The following GRIP1 variants were observed in gnomAD, a reference collection of about 807,000 sequenced individuals.
GRIP1 encodes the protein glutamate receptor interacting protein 1.
A neutral mutation model predicts 129.9 loss-of-function variants in GRIP1; 45 were observed. That is an observed-to-expected ratio of 0.35 (90% CI 0.27 to 0.44). GRIP1 has a LOEUF of 0.44. GRIP1 is among the 20% of genes least tolerant of loss of function. GRIP1 has a pLI of 1.00. For synonymous variants in GRIP1, 530 were observed against 520.8 expected (o/e 1.02, Z -0.24); for missense variants, 1,196 against 1,396.8 (o/e 0.86, Z 2.29).
intron 1 of GRIP1, among the ~76,000 whole-genome samples, chr12:66,903,688 G>C (rs1419180315): frequency 1.3e-5 from 2 of 152,120 alleles, no homozygotes; most frequent in African/African-American, 4.8e-5. Context: ...TTTGTTGAAT[G>C]TAAAACAACA....
At chr12:66,455,259 G>A (rs2058923125) in intron 11 of GRIP1, 150 bp downstream of exon 11, 7 of 762,038 alleles carry the variant, frequency 9.2e-6, no homozygotes, top group South Asian at 3.0e-5. Context: ...TCGTGTCAAC[G>A]GTCTTTGGCA....
At chr12:66,513,539 A>G (rs528660569) in intron 7 of GRIP1, among the ~76,000 whole-genome samples, 1 of 152,228 alleles carries the variant, frequency 6.6e-6, no homozygotes, top group East Asian at 1.9e-4. Context: ...TAATGGGTTC[A>G]TGTAACTTCT....
chr12:66,903,527 A>C (rs951384478), intron 1 of GRIP1, among the ~76,000 whole-genome samples: 1 of 152,176 alleles, frequency 6.6e-6, no homozygotes, highest in Non-Finnish European at 1.5e-5. Flanking sequence ...CTCCAAAAAA[A>C]ATATTGTGAG....
intron 1 of GRIP1, among the ~76,000 whole-genome samples, chr12:66,737,584 T>A (rs1369454703): frequency 6.6e-6 from 1 of 152,150 alleles, no homozygotes; most frequent in Non-Finnish European, 1.5e-5. Context: ...CAGAAAGTCA[T>A]CTCATTACTC....
chr12:66,848,054 T>C (rs779418398), intron 1 of GRIP1, among the ~76,000 whole-genome samples: 7 of 152,216 alleles, frequency 4.6e-5, no homozygotes, highest in African/African-American at 7.2e-5. Flanking sequence ...CATTATGCTT[T>C]ATATCATATC....
At chr12:66,384,979 C>T (rs1278305525) in intron 19 of GRIP1, among the ~76,000 whole-genome samples, 1 of 152,124 alleles carries the variant, frequency 6.6e-6, no homozygotes, top group Non-Finnish European at 1.5e-5. Context: ...AAACCTGTTG[C>T]CATTACTGAT....
intron 2 of GRIP1, among the ~76,000 whole-genome samples, chr12:66,551,179 A>G (rs1443803549): frequency 2.1e-4 from 32 of 152,240 alleles, no homozygotes; most frequent in Non-Finnish European, 4.4e-5. Flanking sequence ...TTAAGCATTT[A>G]TAATTGCCAG....
chr12:66,772,682 A>T (rs1019023037), intron 1 of GRIP1, among the ~76,000 whole-genome samples: 3 of 152,312 alleles, frequency 2.0e-5, no homozygotes, highest in African/African-American at 7.2e-5. Context: ...TACCCCCAAC[A>T]TCTAGGCTTG....
At position 66,353,333 on chromosome 12, in the gene GRIP1, G is replaced by C. The variant is rs1468895069; in HGVS notation, c.3159+84C>G. On this transcript the variant is annotated intron_variant, in intron 24 of 24. Transcript: ENST00000359742. ...AAGGCTGAAAGGGAAAAGAGCAAAG[G>C]GCCCCAAATATGCAGGAGGATGTGG... The C allele has an allele frequency of 1.1e-5, 10 of 937,796 alleles. No homozygotes were observed. The Admixed American group carries it at 1.5e-4, about 14-fold the overall frequency. 58.1% of individuals were successfully genotyped at this position (937,796 alleles called of 1,614,324 possible).
At chr12:66,779,398 AT>A (rs1401884981) in intron 1 of GRIP1, among the ~76,000 whole-genome samples, 1 of 152,164 alleles carries the variant, frequency 6.6e-6, no homozygotes, top group East Asian at 1.9e-4. Flanking sequence ...AGTCACTTAA[AT>A]TTTTCAGTTA....
intron 13 of GRIP1, among the ~76,000 whole-genome samples, chr12:66,439,792 C>G (rs2058419707): frequency 1.3e-5 from 2 of 152,160 alleles, no homozygotes; most frequent in Admixed American, 1.3e-4. Flanking sequence ...CATTTTGAAC[C>G]TCCCTGACTA....
rs186018891 is a variant in GRIP1 at position 66,982,813 on chromosome 12, A to T, written c.58+86237T>A. ...TGTTACTGGATTTCTGACCTGCAGGAACTTTTAAATAATAAATATTGGTGG... is the reference window on the plus strand; with the variant it reads ...TGTTACTGGATTTCTGACCTGCAGGTACTTTTAAATAATAAATATTGGTGG... On this transcript the variant is annotated intron_variant, in intron 1 of 1. Coordinates refer to the GRIP1 transcript ENST00000643019. 3.9e-5 allele frequency among the ~76,000 whole-genome samples: 6 copies of T among 152,288 alleles called. No individual in the cohort carries two copies. In the East Asian group the frequency reaches 1.2e-3, roughly 29 times the overall value.
At chr12:66,939,452 G>A (rs1296629244) in intron 1 of GRIP1, among the ~76,000 whole-genome samples, 1 of 152,170 alleles carries the variant, frequency 6.6e-6, no homozygotes, top group Non-Finnish European at 1.5e-5. Context: ...TGTTCTCAAA[G>A]TAGCAGGAGA....
chr12:66,776,402 A>T (rs980568197), intron 1 of GRIP1, among the ~76,000 whole-genome samples: 1 of 152,258 alleles, frequency 6.6e-6, no homozygotes, highest in Non-Finnish European at 1.5e-5. Context: ...AGAGTAGGTA[A>T]TACAATAAAT....
rs1161541126 is a variant in GRIP1, at chr12:66,979,878, G to A, written c.58+89172C>T. On this transcript the variant is annotated intron_variant, in intron 1 of 1. Transcript: ENST00000643019. The stretch of plus-strand genomic sequence containing the variant: ...TTAGAAGCTAGGAAGAGGCAAGGGA[G>A]GACTCTGCTAAGAGTCTCAGAGGGA... Among the ~76,000 whole-genome samples the A allele has an allele frequency of 4.6e-5, 7 of 152,276 alleles. No individual in the cohort carries two copies. The East Asian group carries it at 1.2e-3, about 25-fold the overall frequency.
chr12:66,675,364 T>C (rs1304063289), intron 1 of GRIP1, among the ~76,000 whole-genome samples: 1 of 152,066 alleles, frequency 6.6e-6, no homozygotes, highest in African/African-American at 2.4e-5. Context: ...GAGCTCAAAA[T>C]GGCAGCACCT....
intron 2 of GRIP1, among the ~76,000 whole-genome samples, chr12:66,592,113 T>G (rs1286110506): frequency 6.6e-6 from 1 of 152,128 alleles, no homozygotes; most frequent in Non-Finnish European, 1.5e-5. Flanking sequence ...CTGGAAACAT[T>G]TGGAACAGAG....
chr12:66,924,985 T>C (rs1399629842), intron 1 of GRIP1, among the ~76,000 whole-genome samples: 2 of 151,844 alleles, frequency 1.3e-5, no homozygotes, highest in African/African-American at 4.8e-5. Flanking sequence ...AGAAAAAAAA[T>C]TAAGAGAGCA....
chr12:67,056,426 T>C lies in GRIP1; in HGVS notation c.58+12624A>G, dbSNP rs189217386. The stretch of plus-strand genomic sequence containing the variant: ...AGAGCACCTACACATGTCCTCTCCA[T>C]GTGAACTGGCTTCCTCACAGCATTG... On this transcript the variant is annotated intron_variant, in intron 1 of 1. Coordinates refer to the GRIP1 transcript ENST00000643019. 2.0e-5 allele frequency among the ~76,000 whole-genome samples: 3 copies of C among 152,312 alleles called. No individual in the cohort carries two copies. The East Asian group carries it at 5.8e-4, about 29-fold the overall frequency.
Sources: gnomAD v4.1 joint callset for allele counts (sites outside exome capture counted in the v4.1 genomes callset) on GRCh38, gnomAD v4.1.1 for gene constraint, MANE v1.5 for transcripts, NCBI Gene and HGNC (gene_info 2026-07-23, HGNC 2026-07-21) for gene names.